The following CORIN variants were observed in gnomAD, a reference collection of about 807,000 sequenced individuals.
CORIN encodes atrial natriuretic peptide-converting enzyme.
In CORIN, 117 loss-of-function variants were observed where a neutral mutation model predicts 125.3. The observed-to-expected ratio is 0.93, with a 90% CI of 0.80 to 1.09. The LOEUF is 1.09. CORIN is among the 50% of genes least tolerant of loss of function. CORIN has a pLI of 0.00. For missense variants in CORIN, 1,253 were observed against 1,306.7 expected (o/e 0.96, Z 0.63); for synonymous variants, 450 against 466.4 (o/e 0.96, Z 0.45).
At chr4:47,620,377 G>A (rs976864935) in intron 19 of CORIN, among the ~76,000 whole-genome samples, 1 of 152,102 alleles carries the variant, frequency 6.6e-6, no homozygotes. Flanking sequence ...ATATTATTTG[G>A]CTTAAAAAAA....
At chr4:47,689,925 A>G (rs1725694242) in intron 6 of CORIN, among the ~76,000 whole-genome samples, 1 of 152,198 alleles carries the variant, frequency 6.6e-6, no homozygotes, top group African/African-American at 2.4e-5. Flanking sequence ...GGGTTACAGA[A>G]GTGGCCTGCC....
chr4:47,828,387 G>A (rs1434672589), intron 1 of CORIN, among the ~76,000 whole-genome samples: 1 of 152,214 alleles, frequency 6.6e-6, no homozygotes, highest in Non-Finnish European at 1.5e-5. Context: ...CTCCTGGGAG[G>A]AGAGAGGGCT....
At position 47,645,283 on chromosome 4, in the gene CORIN, G is replaced by T. The variant is rs1031809112; in HGVS notation, c.1844-89C>A. On this transcript the variant is annotated intron_variant, in intron 13 of 21. Coordinates refer to ENST00000273857, the MANE Select transcript of CORIN (RefSeq NM_006587.4). ...CAATGTAGAAAAATTACGCTATAAA[G>T]GCATGATGTTGGCAGGGCGCAGTGG... The T allele has an allele frequency of 2.4e-4, 196 of 825,976 alleles. 1 individual carries two copies. The highest frequency in any genetic ancestry group is 3.5e-4 in the Non-Finnish European group (179 of 505,270). 51.2% of individuals were successfully genotyped at this position (825,976 alleles called of 1,614,324 possible).
Position 47,595,094 on chromosome 4 carries a change from A to G in CORIN, c.*627T>C. 6.6e-6 allele frequency: 1 copy of G among 152,180 alleles called. No individual in the cohort carries two copies. Among genetic ancestry groups the G allele is most frequent in the East Asian group, 1.9e-4 (1 of 5,198 alleles). The allele number at this position is 152,180 out of a possible 1,614,324, so 9.4% of individuals were successfully genotyped here. A position where few individuals can be genotyped will look rare whatever the true frequency, so the allele number is the denominator to read the frequency against. On this transcript the variant is annotated 3_prime_UTR_variant, in exon 22 of 22. Coordinates refer to ENST00000273857, the MANE Select transcript of CORIN (RefSeq NM_006587.4). ...AAGGGGGTAATAGTAAATACTTTAA[A>G]CATGTAAATTATCTTGGCTTTTAAT...
At chr4:47,639,420 T>C (rs777063093) in intron 16 of CORIN, among the ~76,000 whole-genome samples, 2 of 152,214 alleles carry the variant, frequency 1.3e-5, no homozygotes, top group Non-Finnish European at 2.9e-5. Context: ...TTATTCACTT[T>C]TGCATCCTCG....
At chr4:47,792,473 A>G (rs901197598) in intron 2 of CORIN, among the ~76,000 whole-genome samples, 2 of 152,240 alleles carry the variant, frequency 1.3e-5, no homozygotes, top group Admixed American at 1.3e-4. Flanking sequence ...CAAAAACCCT[A>G]TGGACAAAGG....
At chr4:47,827,412 A>G (rs1732790301) in intron 1 of CORIN, among the ~76,000 whole-genome samples, 1 of 152,182 alleles carries the variant, frequency 6.6e-6, no homozygotes, top group South Asian at 2.1e-4. Flanking sequence ...CTTGTAAGAG[A>G]TGTATTATTC....
intron 1 of CORIN, among the ~76,000 whole-genome samples, chr4:47,812,529 T>C (rs1240779943): frequency 6.6e-6 from 1 of 151,908 alleles, no homozygotes; most frequent in Non-Finnish European, 1.5e-5. Context: ...ATAAATACTA[T>C]ATGCACTACA....
chr4:47,690,561 T>A (rs1725720173), intron 6 of CORIN, among the ~76,000 whole-genome samples: 1 of 152,220 alleles, frequency 6.6e-6, no homozygotes. Flanking sequence ...AGCAGGCAAG[T>A]GCTTAGCTAG....
intron 3 of CORIN, among the ~76,000 whole-genome samples, chr4:47,774,928 G>A (rs530156115): frequency 6.6e-5 from 10 of 152,310 alleles, no homozygotes; most frequent in Admixed American, 1.3e-4. Flanking sequence ...GCAGAAAAGC[G>A]GAATGATGGT....
At chr4:47,779,725 C>T (rs1730457439) in intron 3 of CORIN, among the ~76,000 whole-genome samples, 3 of 152,042 alleles carry the variant, frequency 2.0e-5, no homozygotes, top group African/African-American at 7.2e-5. Flanking sequence ...TGTGAGCCAC[C>T]GTGCCTGGCC....
At chr4:47,821,160 G>A (rs372312085) in intron 1 of CORIN, among the ~76,000 whole-genome samples, 2 of 151,866 alleles carry the variant, frequency 1.3e-5, no homozygotes, top group Non-Finnish European at 2.9e-5. Context: ...GCTTGAACCC[G>A]GGAGGCAGAG....
At chr4:47,704,623 T>C (rs571994771) in intron 5 of CORIN, among the ~76,000 whole-genome samples, 65 of 152,240 alleles carry the variant, frequency 4.3e-4, no homozygotes, top group African/African-American at 1.5e-3. Context: ...AGGGAACGCA[T>C]TGAGCAGATA....
intron 3 of CORIN, among the ~76,000 whole-genome samples, chr4:47,781,929 C>T (rs1730565980): frequency 6.6e-6 from 1 of 151,738 alleles, no homozygotes; most frequent in Admixed American, 6.6e-5. Flanking sequence ...CAGAGCAAGA[C>T]TCCATCTCAA....
chr4:47,607,644 T>A (rs890800423), intron 19 of CORIN, among the ~76,000 whole-genome samples: 1 of 152,110 alleles, frequency 6.6e-6, no homozygotes, highest in African/African-American at 2.4e-5. Context: ...GACATGTACA[T>A]ACGTGGTGAT....
intron 1 of CORIN, among the ~76,000 whole-genome samples, chr4:47,826,983 A>G (rs921015677): frequency 1.3e-5 from 2 of 152,252 alleles, no homozygotes; most frequent in African/African-American, 4.8e-5. Context: ...TTAAAATTAT[A>G]AAATCTTGGA....
In CORIN at chr4:47,828,618, C is replaced by T. The variant is rs368151811; in HGVS notation, c.63+9269G>A. On this transcript the variant is annotated intron_variant, in intron 1 of 21. Transcript: ENST00000273857. ...CAAGATAATCTCCCCATCTCAAAAT[C>T]CTTAATTTAATTACATTTGCAAAGT... 9.9e-5 allele frequency among the ~76,000 whole-genome samples: 15 copies of T among 152,270 alleles called. No homozygotes were observed. The South Asian group carries it at 2.7e-3, about 27-fold the overall frequency.
At chr4:47,706,365 A>T in intron 5 of CORIN, 1 of 1,595,416 alleles carries the variant, frequency 6.3e-7, no homozygotes, top group Non-Finnish European at 8.6e-7. Flanking sequence ...CCATCAGGTA[A>T]GCCAAGATGG....
chr4:47,757,895 T>TAC (rs1343021988), intron 4 of CORIN, among the ~76,000 whole-genome samples: 22 of 144,930 alleles, frequency 1.5e-4, no homozygotes, highest in African/African-American at 2.3e-4. Flanking sequence ...TATATATATA[T>TAC]ATATATATAT....
Sources: allele counts gnomAD v4.1 joint callset (sites outside exome capture counted in the v4.1 genomes callset), GRCh38; gene constraint gnomAD v4.1.1; transcripts MANE v1.5; gene names NCBI Gene and HGNC (gene_info 2026-07-23, HGNC 2026-07-21).